The following ALG1L2 variants were observed in gnomAD, a reference collection of about 807,000 sequenced individuals.
ALG1L2 encodes putative glycosyltransferase ALG1L2.
ALG1L2 carries 32 observed loss-of-function variants against 29.0 expected under a neutral mutation model. The ratio of observed to expected loss-of-function variants is 1.10; its 90% confidence interval spans 0.83 to 1.48. The LOEUF is 1.48. ALG1L2 is among the 40% of genes most tolerant of loss of function. The pLI is 0.00. For missense variants in ALG1L2, 318 were observed against 274.1 expected (o/e 1.16, Z -1.13); for synonymous variants, 110 against 109.5 (o/e 1.00, Z -0.03).
At chr3:130,083,722 A>G (rs1424218763) in intron 1 of ALG1L2, among the ~76,000 whole-genome samples, 5 of 140,802 alleles carry the variant, frequency 3.6e-5, no homozygotes, top group African/African-American at 9.9e-5. Context: ...TGAGACACAG[A>G]CACCACAGAA....
At chr3:130,095,966 G>C (rs1462806201) in intron 5 of ALG1L2, 83 bp from the exon 6 acceptor site, 2 of 1,440,196 alleles carry the variant, frequency 1.4e-6, no homozygotes, top group East Asian at 2.5e-5. Context: ...CTCCCCTCGG[G>C]GGGTGTTGCC....
intron 1 of ALG1L2, among the ~76,000 whole-genome samples, chr3:130,082,271 A>C (rs1265336397): frequency 7.2e-6 from 1 of 138,512 alleles, no homozygotes. Context: ...CCGAGCTGAG[A>C]GGGACCCCGA....
chr3:130,093,583 C>T (rs1935065920), intron 4 of ALG1L2, among the ~76,000 whole-genome samples: 1 of 151,888 alleles, frequency 6.6e-6, no homozygotes, highest in Admixed American at 6.6e-5. Flanking sequence ...CCCACCACAC[C>T]CAGCTTATTT....
intron 1 of ALG1L2, chr3:130,089,488 C>CAAAAAAAAAAAAAAAAA (rs143039942): frequency 9.9e-6 from 1 of 100,648 alleles, no homozygotes; most frequent in African/African-American, 3.9e-5. Flanking sequence ...CCTTCATAAT[C>CAAAAAAAAAAAAAAAAA]AAAAAAAGAA....
At position 130,084,656 on chromosome 3, in the gene ALG1L2, G is replaced by A. The variant is rs1934853128; in HGVS notation, c.20+2620G>A. On this transcript the variant is annotated intron_variant, in intron 1 of 7. Transcript: ENST00000425059. ...AGTCTGCTATAAAAAGATACCACAA[G>A]CTGGATGGCTTAGAACTACAGAAAT... Among the ~76,000 whole-genome samples the A allele has an allele frequency of 2.3e-5, 3 of 131,082 alleles. 1 individual carries two copies. Among genetic ancestry groups the A allele is most frequent in the African/African-American group, 2.6e-5 (1 of 39,032 alleles). The allele number at this position is 131,082 out of a possible 152,430, so 86.0% of individuals were successfully genotyped here.
chr3:130,095,409 TTTATTATTATTATTA>T (rs869099473), intron 5 of ALG1L2, among the ~76,000 whole-genome samples: 12,346 of 121,076 alleles, frequency 0.1, 743 homozygotes, highest in Non-Finnish European at 0.16. Context: ...TGTGCTGTGG[TTTATTATTATTATTA>T]TTATTATTAT....
intron 2 of ALG1L2, 98 bp from the exon 3 acceptor site, chr3:130,092,003 C>G: frequency 6.4e-7 from 1 of 1,564,336 alleles, no homozygotes; most frequent in Non-Finnish European, 8.7e-7. Context: ...GCACCCCAAC[C>G]GTTGGGAGCC....
chr3:130,094,113 C>T (rs897548447), intron 4 of ALG1L2: 5 of 456,146 alleles, frequency 1.1e-5, no homozygotes, highest in Non-Finnish European at 2.0e-5. Flanking sequence ...GCTGGGCCCA[C>T]CCAGTGGGTG....
intron 6 of ALG1L2, among the ~76,000 whole-genome samples, chr3:130,096,881 T>C (rs544138895): frequency 6.6e-6 from 1 of 152,292 alleles, no homozygotes; most frequent in South Asian, 2.1e-4. Context: ...GGCCATGGAA[T>C]TAAGAAAAAC....
Position 130,094,461 on chromosome 3 carries a change from C to T in ALG1L2, c.372C>T (p.His124=). The T allele has an allele frequency of 6.3e-7, 1 of 1,596,128 alleles. No individual in the cohort carries two copies. The highest frequency in any genetic ancestry group is 8.5e-7 in the Non-Finnish European group (1 of 1,179,644). ...SRLIHQKHFQ[H]IQVCIPWLEG... is the part of the protein sequence containing the mutation. The stretch of plus-strand genomic sequence containing the variant: ...TCATCCACCAGAAGCATTTCCAGCA[C>T]ATCCAGGTCTGCATCCCCTGGCTGG... Residue 124 remains histidine, a synonymous_variant, in exon 5 of 8, where the codon CAC becomes CAT. Coordinates refer to ENST00000425059, the MANE Select transcript of ALG1L2 (RefSeq NM_001136152.1).
intron 1 of ALG1L2, among the ~76,000 whole-genome samples, chr3:130,084,120 T>A (rs77576903): frequency 2.0e-5 from 3 of 149,496 alleles, no homozygotes; most frequent in East Asian, 3.9e-4. Context: ...GAGGGGCTAC[T>A]GAGGTAGGAA....
Position 130,096,179 on chromosome 3 carries a change from G to C in ALG1L2, c.539+16G>C. The C allele has an allele frequency of 6.2e-7, 1 of 1,610,918 alleles. No homozygotes were observed. Among genetic ancestry groups the C allele is most frequent in the Non-Finnish European group, 8.5e-7 (1 of 1,179,342 alleles). On this transcript the variant is annotated intron_variant, in intron 6 of 7. Transcript: ENST00000425059. ...ACTTCAAGTGGTAGGAGCAGAACCC[G>C]AATTTTTTCTGGGGATAGCTTCACA... is the stretch of plus-strand genomic sequence containing the variant.
intron 7 of ALG1L2, among the ~76,000 whole-genome samples, chr3:130,098,020 T>C (rs1320566078): frequency 1.3e-5 from 2 of 151,910 alleles, no homozygotes; most frequent in African/African-American, 4.8e-5. Flanking sequence ...GCACCAAGTG[T>C]GGGAAAGTGG....
chr3:130,082,756 T>C (rs1490039300), intron 1 of ALG1L2, among the ~76,000 whole-genome samples: 1 of 148,532 alleles, frequency 6.7e-6, no homozygotes, highest in African/African-American at 2.4e-5. Flanking sequence ...ATGGCGTGTC[T>C]GCTGTGCCCT....
chr3:130,092,346 C>A (rs1355730912), intron 3 of ALG1L2, 124 bp downstream of exon 3: 12 of 1,595,970 alleles, frequency 7.5e-6, no homozygotes, highest in Non-Finnish European at 1.0e-5. Flanking sequence ...AAGGGGAGGG[C>A]GTGTGAGCTG....
At chr3:130,095,800 ACT>A (rs1348234315) in intron 5 of ALG1L2, among the ~76,000 whole-genome samples, 7 of 152,008 alleles carry the variant, frequency 4.6e-5, no homozygotes, top group African/African-American at 1.5e-4. Flanking sequence ...ACAGAGTGAG[ACT>A]CTGTCTCAAA....
intron 6 of ALG1L2, among the ~76,000 whole-genome samples, chr3:130,096,741 T>A (rs1229601752): frequency 6.6e-6 from 1 of 152,132 alleles, no homozygotes; most frequent in Non-Finnish European, 1.5e-5. Flanking sequence ...GGCCCCTGGA[T>A]GGGATTCAGG....
intron 1 of ALG1L2, among the ~76,000 whole-genome samples, chr3:130,088,454 G>T (rs1934940094): frequency 6.6e-6 from 1 of 152,280 alleles, no homozygotes; most frequent in Non-Finnish European, 1.5e-5. Flanking sequence ...GTCTCACTCT[G>T]TTGCCCAGGC....
chr3:130,097,254 G>T lies in ALG1L2; in HGVS notation c.615+4G>T. 2 of 1,607,128 alleles carry T rather than the reference G, an allele frequency of 1.2e-6. No homozygotes were observed. The highest frequency in any genetic ancestry group is 8.5e-7 in the Non-Finnish European group (1 of 1,179,776). On this transcript the variant is annotated splice_donor_region_variant and intron_variant, in intron 7 of 7. Coordinates refer to ENST00000425059, the MANE Select transcript of ALG1L2 (RefSeq NM_001136152.1). The stretch of plus-strand genomic sequence containing the variant: ...GGAACTGGCAGCTCAGCTGCAGGTA[G>T]CCATGTCTGCCACCACGCCAGGGTG...
Sources: gnomAD v4.1 joint callset for allele counts (sites outside exome capture counted in the v4.1 genomes callset) on GRCh38, gnomAD v4.1.1 for gene constraint, MANE v1.5 for transcripts, NCBI Gene and HGNC (gene_info 2026-07-23, HGNC 2026-07-21) for gene names.